The following METTL25 variants were observed in gnomAD, a reference collection of about 807,000 sequenced individuals.
The protein encoded by METTL25 is methyltransferase like 25, also known as probable methyltransferase-like protein 25.
A neutral mutation model predicts 71.6 loss-of-function variants in METTL25; 64 were observed. The ratio of observed to expected loss-of-function variants is 0.89; its 90% CI spans 0.73 to 1.10. METTL25 has a LOEUF of 1.10. Among genes scored for constraint, METTL25 ranks in the 50% least tolerant of loss-of-function variants. The pLI is 0.00. For synonymous variants in METTL25, 287 were observed against 250.3 expected, an observed-to-expected ratio of 1.15 and a Z score of -1.38; for missense variants, 807 against 707.0, an observed-to-expected ratio of 1.14 and a Z score of -1.60.
chr12:82,432,285 G>C (rs1889568176), intron 6 of METTL25, among the ~76,000 whole-genome samples: 1 of 151,438 alleles, frequency 6.6e-6, no homozygotes, highest in African/African-American at 2.4e-5. Context: ...AATTTCCTTT[G>C]GTAGCCCCAC....
At chr12:82,411,926 T>C (rs577603476) in intron 5 of METTL25, among the ~76,000 whole-genome samples, 1 of 152,248 alleles carries the variant, frequency 6.6e-6, no homozygotes, top group South Asian at 2.1e-4. Flanking sequence ...TATTTAACTT[T>C]ACAATTTAAT....
chr12:82,399,799 C>T lies in METTL25; in HGVS notation c.1131+405C>T, dbSNP rs1005256029. Among the ~76,000 whole-genome samples, 5 of 152,064 alleles carry T rather than the reference C, an allele frequency of 3.3e-5. No homozygotes were observed. The East Asian group carries it at 9.6e-4, about 29-fold the overall frequency. ...GAATTTCCTTGAGCAAGAGTAGCTT[C>T]TAAGTGTTCTTCAAAGCTTGAACTT... is the stretch of plus-strand genomic sequence containing the variant. On this transcript the variant is annotated intron_variant, in intron 4 of 11. Transcript: ENST00000248306.
intron 5 of METTL25, among the ~76,000 whole-genome samples, chr12:82,428,057 T>C (rs891343448): frequency 2.6e-5 from 4 of 151,966 alleles, no homozygotes; most frequent in African/African-American, 9.7e-5. Context: ...GGTCTTAGTT[T>C]GCTTGGTACC....
At chr12:82,360,747 G>A (rs1408249905) in intron 1 of METTL25, among the ~76,000 whole-genome samples, 1 of 152,112 alleles carries the variant, frequency 6.6e-6, no homozygotes, top group Non-Finnish European at 1.5e-5. Context: ...AAGGAGTATG[G>A]TCTTGTGTCC....
At chr12:82,415,106 G>A (rs996395021) in intron 5 of METTL25, among the ~76,000 whole-genome samples, 39 of 152,038 alleles carry the variant, frequency 2.6e-4, no homozygotes, top group African/African-American at 8.5e-4. Flanking sequence ...CCAACACAAT[G>A]TTTTCCCTCA....
chr12:82,430,999 T>A lies in METTL25; in HGVS notation c.1374+12T>A. On this transcript the variant is annotated intron_variant, in intron 6 of 11. Coordinates refer to ENST00000248306, the MANE Select transcript of METTL25 (RefSeq NM_032230.3). ...TGTCAGCATGTTTGGTATGGTTATA[T>A]TTTTTCCTGGAGTAACAGCTTTATC... 1.0e-5 allele frequency: 16 copies of A among 1,545,970 alleles called. No homozygotes were observed. The highest frequency in any genetic ancestry group is 1.4e-5 in the Non-Finnish European group (16 of 1,128,454).
intron 1 of METTL25, among the ~76,000 whole-genome samples, chr12:82,365,250 G>T (rs1338535206): frequency 5.3e-5 from 8 of 152,114 alleles, no homozygotes; most frequent in Non-Finnish European, 1.5e-5. Flanking sequence ...CCAACTAATA[G>T]ATTTTTAAAT....
chr12:82,472,086 G>A lies in METTL25; in HGVS notation c.1573-4558G>A, dbSNP rs116466588. Among the ~76,000 whole-genome samples, 1,487 of 152,192 alleles carry A rather than the reference G, an allele frequency of 9.8e-3. 23 individuals are homozygous for A. Among genetic ancestry groups the A allele is most frequent in the African/African-American group, 0.034 (1,405 of 41,518 alleles). ...GTTGAGATTCCATTACCTACAATCTGTCTTGGGACATTGGGACATTGGTGT... is the reference window on the plus strand; with the variant it reads ...GTTGAGATTCCATTACCTACAATCTATCTTGGGACATTGGGACATTGGTGT... On this transcript the variant is annotated intron_variant, in intron 9 of 11. Transcript: ENST00000248306.
chr12:82,426,888 A>G (rs1299925019), intron 5 of METTL25, among the ~76,000 whole-genome samples: 3 of 151,934 alleles, frequency 2.0e-5, no homozygotes, highest in Non-Finnish European at 4.4e-5. Flanking sequence ...TCTTCCCTCT[A>G]CCACAACACT....
intron 5 of METTL25, among the ~76,000 whole-genome samples, chr12:82,417,486 G>A (rs1888085199): frequency 6.6e-6 from 1 of 152,162 alleles, no homozygotes; most frequent in African/African-American, 2.4e-5. Flanking sequence ...CATTACTTGT[G>A]ACACTCCCTT....
intron 8 of METTL25, among the ~76,000 whole-genome samples, chr12:82,445,152 A>G (rs896725925): frequency 6.6e-6 from 1 of 152,140 alleles, no homozygotes; most frequent in Non-Finnish European, 1.5e-5. Context: ...GAGACCTGTG[A>G]CAATTGAATA....
intron 5 of METTL25, among the ~76,000 whole-genome samples, chr12:82,403,956 AT>A (rs1435537390): frequency 2.0e-5 from 3 of 152,216 alleles, no homozygotes; most frequent in Admixed American, 6.5e-5. Context: ...GTGCATTAAG[AT>A]GGTATTGGTT....
At chr12:82,370,629 A>C (rs944082784) in intron 1 of METTL25, among the ~76,000 whole-genome samples, 1 of 152,190 alleles carries the variant, frequency 6.6e-6, no homozygotes, top group African/African-American at 2.4e-5. Flanking sequence ...GAAGACCTTC[A>C]ATTATCAATT....
At chr12:82,443,488 AG>A in intron 8 of METTL25, among the ~76,000 whole-genome samples, 1 of 151,920 alleles carries the variant, frequency 6.6e-6, no homozygotes, top group Non-Finnish European at 1.5e-5. Context: ...AAGAAAAAAA[AG>A]AATGCAGTAT....
rs368437855 is a variant in METTL25 at position 82,384,077 on chromosome 12, G to A, written c.260-2726G>A. On this transcript the variant is annotated intron_variant, in intron 1 of 11. Transcript: ENST00000248306. ...AGATGATAAGTAAAGCATGTATAAA[G>A]CAGAACAGGGACTTCCAGTAGAGGG... 1.6e-4 allele frequency among the ~76,000 whole-genome samples: 25 copies of A among 152,240 alleles called. 2 individuals are homozygous for A. The highest frequency in any genetic ancestry group is 6.0e-4 in the African/African-American group (25 of 41,546).
At chr12:82,461,368 A>G (rs1386627061) in intron 9 of METTL25, among the ~76,000 whole-genome samples, 1 of 152,194 alleles carries the variant, frequency 6.6e-6, no homozygotes, top group African/African-American at 2.4e-5. Context: ...AATACTAAGG[A>G]TGGCCTTATG....
At chr12:82,449,105 A>G (rs1363187846) in intron 8 of METTL25, among the ~76,000 whole-genome samples, 1 of 152,198 alleles carries the variant, frequency 6.6e-6, no homozygotes. Flanking sequence ...ACTTGAGTAG[A>G]ATTTTAATTA....
intron 9 of METTL25, 68 bp from the exon 10 acceptor site, chr12:82,476,576 G>C: frequency 1.0e-6 from 1 of 994,626 alleles, no homozygotes; most frequent in Non-Finnish European, 1.6e-6. Context: ...TTTTACTTTA[G>C]GATATGTTTG....
At chr12:82,376,085 T>C (rs556605410) in intron 1 of METTL25, among the ~76,000 whole-genome samples, 1 of 152,368 alleles carries the variant, frequency 6.6e-6, no homozygotes, top group South Asian at 2.1e-4. Flanking sequence ...ATTATACTTT[T>C]TCTAGATTAA....
Sources: gnomAD v4.1 joint callset for allele counts (sites outside exome capture counted in the v4.1 genomes callset) on GRCh38, gnomAD v4.1.1 for gene constraint, MANE v1.5 for transcripts, NCBI Gene and HGNC (gene_info 2026-07-23, HGNC 2026-07-21) for gene names.